The following DAB1 variants were observed in gnomAD, a reference collection of about 807,000 sequenced individuals.
DAB1 encodes the protein DAB adaptor protein 1, also known as disabled homolog 1.
In DAB1, 15 loss-of-function variants were observed where a neutral mutation model predicts 64.6. That is an observed-to-expected ratio of 0.23 (90% CI 0.16 to 0.36). The LOEUF is 0.36. Among genes scored for constraint, DAB1 ranks in the 10% least tolerant of loss-of-function variants. The pLI, the probability that DAB1 is intolerant of heterozygous loss-of-function variation, is 1.00. For missense variants in DAB1, 596 were observed against 706.7 expected (o/e 0.84, Z 1.78); for synonymous variants, 235 against 251.9 (o/e 0.93, Z 0.64).
chr1:57,856,607 AC>A (rs1653768096), intron 1 of DAB1, among the ~76,000 whole-genome samples: 1 of 151,872 alleles, frequency 6.6e-6, no homozygotes, highest in Non-Finnish European at 1.5e-5. Flanking sequence ...TACTAAAATT[AC>A]AAAAAATTAG....
At chr1:57,894,386 C>T (rs1023320238) in intron 5 of DAB1, among the ~76,000 whole-genome samples, 4 of 152,112 alleles carry the variant, frequency 2.6e-5, no homozygotes, top group African/African-American at 9.7e-5. Flanking sequence ...GGTATGTGCT[C>T]ATTTTAGGTA....
intron 7 of DAB1, among the ~76,000 whole-genome samples, chr1:57,625,299 G>A (rs1410564878): frequency 2.0e-5 from 3 of 150,256 alleles, no homozygotes; most frequent in South Asian, 2.1e-4. Context: ...TTCTGTCTCC[G>A]TGCTGTGTCT....
At chr1:58,406,716 C>G (rs953286732) in intron 3 of DAB1, among the ~76,000 whole-genome samples, 50 of 83,232 alleles carry the variant, frequency 6.0e-4, no homozygotes, top group African/African-American at 2.3e-3. Context: ...TCATCCCCCC[C>G]CCCCAACTGC....
Position 57,421,083 on chromosome 1 carries a change from A to G in DAB1, c.-137+2847T>C, listed in dbSNP as rs187425784. On this transcript the variant is annotated intron_variant, in intron 1 of 14. Transcript: ENST00000371236. ...GGCTCCAAGCATCCTAAATCTACCA[A>G]ATGCAATTTTTTAGATGGGTACTAT... 1.1e-4 allele frequency among the ~76,000 whole-genome samples: 17 copies of G among 152,302 alleles called. No individual in the cohort carries two copies. The East Asian group carries it at 3.3e-3, about 29-fold the overall frequency.
At chr1:57,586,016 C>T (rs1224202374) in intron 7 of DAB1, among the ~76,000 whole-genome samples, 1 of 152,086 alleles carries the variant, frequency 6.6e-6, no homozygotes, top group East Asian at 1.9e-4. Context: ...TCTGTAATTA[C>T]ATGTGTTCAG....
chr1:57,159,120 T>C (rs537356878), intron 2 of DAB1, among the ~76,000 whole-genome samples: 94 of 152,216 alleles, frequency 6.2e-4, no homozygotes, highest in African/African-American at 2.2e-3. Context: ...TCTGCTCCAA[T>C]AGTTGGTCCT....
Position 58,373,099 on chromosome 1 carries a change from T to G in DAB1, n.258-29696A>C, listed in dbSNP as rs149506245. 1.4e-4 allele frequency among the ~76,000 whole-genome samples: 21 copies of G among 152,262 alleles called. No homozygotes were observed. In the East Asian group the frequency reaches 3.9e-3, roughly 28 times the overall value. ...TTTGTAGTTCTCCGTATTTCTAAGTTTCTTAAAATAATAAAAATTAATAAA... is the reference window on the plus strand; with the variant it reads ...TTTGTAGTTCTCCGTATTTCTAAGTGTCTTAAAATAATAAAAATTAATAAA... On this transcript the variant is annotated intron_variant and non_coding_transcript_variant, in intron 3 of 20. Transcript: ENST00000485760.
chr1:58,191,411 C>T (rs1309533356), intron 4 of DAB1, among the ~76,000 whole-genome samples: 1 of 152,018 alleles, frequency 6.6e-6, no homozygotes, highest in Non-Finnish European at 1.5e-5. Flanking sequence ...ATCGGAATCC[C>T]AATAATATAA....
At chr1:58,247,269 C>A (rs974267216) in intron 4 of DAB1, among the ~76,000 whole-genome samples, 1 of 147,870 alleles carries the variant, frequency 6.8e-6, no homozygotes, top group African/African-American at 2.5e-5. Context: ...CCCCCCCCGC[C>A]AGGTTAAATA....
chr1:58,359,487 GC>G (rs1644143041), intron 3 of DAB1, among the ~76,000 whole-genome samples: 1 of 152,186 alleles, frequency 6.6e-6, no homozygotes, highest in Admixed American at 6.5e-5. Context: ...CTGAGGCATT[GC>G]CTCATTCTGG....
At chr1:57,353,782 T>C (rs1346411270) in intron 1 of DAB1, among the ~76,000 whole-genome samples, 5 of 152,156 alleles carry the variant, frequency 3.3e-5, no homozygotes, top group Non-Finnish European at 7.4e-5. Context: ...GAATAACAGA[T>C]GAGGCCTGGG....
In DAB1 at chr1:57,120,801, C is replaced by T. The variant is rs112390672; in HGVS notation, c.306+15742G>A. The stretch of plus-strand genomic sequence containing the variant: ...TGTGTCAGAATTTCTTTCCTTCTTA[C>T]GGGTGAGTAGGAGTCCATTGCATGT... On this transcript the variant is annotated intron_variant, in intron 4 of 14. Transcript: ENST00000371236. Among the ~76,000 whole-genome samples, 18 of 152,256 alleles carry T rather than the reference C, an allele frequency of 1.2e-4. No individual in the cohort carries two copies. The East Asian group carries it at 1.9e-3, about 16-fold the overall frequency.
intron 7 of DAB1, among the ~76,000 whole-genome samples, chr1:57,620,524 A>G (rs541026997): frequency 6.6e-6 from 1 of 152,354 alleles, no homozygotes; most frequent in East Asian, 1.9e-4. Flanking sequence ...GTTTCCCATG[A>G]GGGGATAAAC....
intron 14 of DAB1, among the ~76,000 whole-genome samples, chr1:57,000,704 G>C (rs772709897): frequency 2.6e-5 from 4 of 152,152 alleles, no homozygotes; most frequent in Non-Finnish European, 5.9e-5. Flanking sequence ...CCTGTGCTGG[G>C]CTTCAAGCAC....
At chr1:58,460,874 T>C (rs1202338303) in intron 3 of DAB1, among the ~76,000 whole-genome samples, 1 of 152,222 alleles carries the variant, frequency 6.6e-6, no homozygotes, top group Non-Finnish European at 1.5e-5. Context: ...TTGTCAGAGA[T>C]CCTGGAGAAA....
intron 7 of DAB1, among the ~76,000 whole-genome samples, chr1:57,590,431 T>C (rs1035589913): frequency 3.3e-5 from 5 of 152,074 alleles, no homozygotes; most frequent in African/African-American, 1.2e-4. Context: ...GCGATTCTCC[T>C]GCCTCAGCCT....
intron 5 of DAB1, among the ~76,000 whole-genome samples, chr1:58,067,222 G>A (rs1346006408): frequency 6.6e-6 from 1 of 152,200 alleles, no homozygotes; most frequent in Non-Finnish European, 1.5e-5. Flanking sequence ...ATTGTTTAAT[G>A]TCTATTTTCC....
intron 2 of DAB1, among the ~76,000 whole-genome samples, chr1:58,516,449 A>G (rs554829003): frequency 1.6e-4 from 25 of 152,352 alleles, no homozygotes; most frequent in African/African-American, 5.8e-4. Flanking sequence ...AAGACTGAAC[A>G]GCTTGTTATT....
At chr1:57,482,860 C>T (rs141031892) in intron 7 of DAB1, among the ~76,000 whole-genome samples, 1,979 of 152,224 alleles carry the variant, frequency 0.013, 27 homozygotes, top group Admixed American at 0.044. Flanking sequence ...AACTTGCTCA[C>T]GTTTACAGTC....
Sources: gnomAD v4.1 joint callset for allele counts (sites outside exome capture counted in the v4.1 genomes callset) on GRCh38, gnomAD v4.1.1 for gene constraint, MANE v1.5 for transcripts, NCBI Gene and HGNC (gene_info 2026-07-23, HGNC 2026-07-21) for gene names.